The following ABAT variants were observed in gnomAD, a reference collection of about 807,000 sequenced individuals.
ABAT encodes the protein 4-aminobutyrate aminotransferase, also known as 4-aminobutyrate aminotransferase, mitochondrial.
In ABAT, 45 loss-of-function variants were observed where a neutral mutation model predicts 64.6. The observed-to-expected ratio is 0.70, with a 90% CI of 0.55 to 0.89. The LOEUF (loss-of-function observed/expected upper bound fraction) is 0.89, where lower values mean the gene tolerates loss of function less well. Among genes scored for constraint, ABAT ranks in the 40% least tolerant of loss-of-function variants. The pLI is 0.00. For synonymous variants in ABAT, 297 were observed against 250.5 expected, an observed-to-expected ratio of 1.19 and a Z score of -1.75; for missense variants, 633 against 658.4, an observed-to-expected ratio of 0.96 and a Z score of 0.42.
rs149959823 is a variant in ABAT at position 8,764,110 on chromosome 16, G to A, written c.408G>A (p.Pro136=). Reference sequence around the variant, plus strand: ...GACCCGCCCTCGGAATCCTGCCTCCGGAGAACTTTGTGGAGAAGCTCCGGC... The same window carrying A: ...GACCCGCCCTCGGAATCCTGCCTCCAGAGAACTTTGTGGAGAAGCTCCGGC... ...VNRPALGILP[P]ENFVEKLRQS... Residue 136 remains proline (P), a synonymous_variant, in exon 7 of 16, where the codon CCG becomes CCA. Transcript: ENST00000268251. The surrounding 1 kb of genome is among the most constrained non-coding windows in gnomAD (Gnocchi z 4.2). 1.0e-4 allele frequency: 168 copies of A among 1,613,554 alleles called. No homozygotes were observed. Among genetic ancestry groups the A allele is most frequent in the Non-Finnish European group, 1.2e-4 (144 of 1,179,994 alleles).
chr16:8,683,915 C>T (rs2057391907), intron 1 of ABAT, among the ~76,000 whole-genome samples: 1 of 151,580 alleles, frequency 6.6e-6, no homozygotes, highest in Non-Finnish European at 1.5e-5. Context: ...GTGCTGTGTA[C>T]AGTAGTAGGG....
intron 1 of ABAT, among the ~76,000 whole-genome samples, chr16:8,684,390 T>A (rs995212676): frequency 4.6e-5 from 7 of 152,182 alleles, no homozygotes; most frequent in Admixed American, 4.6e-4. Flanking sequence ...CTGGCCAACA[T>A]GGCCAAACCC....
chr16:8,717,025 C>T (rs1047977266), intron 1 of ABAT, among the ~76,000 whole-genome samples: 8 of 152,168 alleles, frequency 5.3e-5, no homozygotes, highest in African/African-American at 1.9e-4. Context: ...CACGGTAGCT[C>T]GCGTCTGTAA....
At chr16:8,779,784 A>G (rs936961931) in intron 15 of ABAT, among the ~76,000 whole-genome samples, 194 bp downstream of exon 15, 1 of 152,190 alleles carries the variant, frequency 6.6e-6, no homozygotes, top group Admixed American at 6.5e-5. Flanking sequence ...TTATTTACTC[A>G]ACAAGCGTTC....
At chr16:8,778,699 C>T (rs7198302) in intron 14 of ABAT, among the ~76,000 whole-genome samples, 2,654 of 151,866 alleles carry the variant, frequency 0.017, 69 homozygotes, top group African/African-American at 0.061. Flanking sequence ...AATCTTTGAA[C>T]CTGGGAGGCA....
intron 1 of ABAT, among the ~76,000 whole-genome samples, chr16:8,693,402 A>G (rs1252277998): frequency 6.6e-6 from 1 of 152,084 alleles, no homozygotes; most frequent in African/African-American, 2.4e-5. Context: ...AAAAATCCTC[A>G]TATTAGTGGA....
At chr16:8,775,189 T>A in intron 13 of ABAT, 132 bp downstream of exon 13, 2 of 1,191,552 alleles carry the variant, frequency 1.7e-6, no homozygotes, top group South Asian at 2.6e-5. Flanking sequence ...AAGTCCCAGT[T>A]CTTATCAATG....
chr16:8,781,207 ATG>A lies in ABAT; in HGVS notation c.1382-101_1382-100del, dbSNP rs1487708057. 2 of 1,563,628 alleles carry A rather than the reference ATG, an allele frequency of 1.3e-6. No homozygotes were observed. The highest frequency in any genetic ancestry group is 2.2e-5 in the South Asian group (2 of 90,066). On this transcript the variant is annotated intron_variant, in intron 15 of 15. Coordinates refer to ENST00000268251, the MANE Select transcript of ABAT (RefSeq NM_020686.6). This position sits in a 1 kb window ranked among gnomAD's most constrained non-coding sequence, Gnocchi z 4.5. The stretch of plus-strand genomic sequence containing the variant: ...TGGAGGATGATGGATGGATGGATGG[ATG>A]GATGGATGAGCGTTGCCAACAGGCA...
chr16:8,760,406 C>A (rs2059762550), intron 6 of ABAT: 2 of 152,170 alleles, frequency 1.3e-5, no homozygotes. Context: ...GGTCCCTAGC[C>A]CTAAAACGTA....
At chr16:8,775,769 C>A (rs190666568) in intron 13 of ABAT, among the ~76,000 whole-genome samples, 76 of 152,298 alleles carry the variant, frequency 5.0e-4, no homozygotes, top group African/African-American at 1.7e-3. Context: ...CTAGAAATCT[C>A]ACATAATATG....
chr16:8,680,495 G>C (rs965626282), intron 1 of ABAT, among the ~76,000 whole-genome samples: 1 of 151,156 alleles, frequency 6.6e-6, no homozygotes, highest in Non-Finnish European at 1.5e-5. Context: ...GTGTGATCTC[G>C]GCTTACTGCA....
intron 1 of ABAT, among the ~76,000 whole-genome samples, chr16:8,702,651 C>T (rs1216928954): frequency 6.6e-6 from 1 of 152,162 alleles, no homozygotes; most frequent in Non-Finnish European, 1.5e-5. Context: ...CCCCCATGAT[C>T]CAGTCCCCTC....
chr16:8,674,675 C>T lies in ABAT; in HGVS notation c.-78C>T. 6.6e-6 allele frequency: 1 copy of T among 152,406 alleles called. No individual in the cohort carries two copies. The allele number at this position is 152,406 out of a possible 1,614,324, so 9.4% of individuals were successfully genotyped here. On this transcript the variant is annotated 5_prime_UTR_variant, in exon 1 of 16. Coordinates refer to ENST00000268251, the MANE Select transcript of ABAT (RefSeq NM_020686.6). Reference sequence around the variant, plus strand: ...GCGCATCCCGCAAGTCGGAACCCGGCGGATCGGATCCCGCAGATCGGAGAC... The same window carrying T: ...GCGCATCCCGCAAGTCGGAACCCGGTGGATCGGATCCCGCAGATCGGAGAC...
chr16:8,707,617 T>G (rs2057977465), intron 1 of ABAT, among the ~76,000 whole-genome samples: 1 of 152,152 alleles, frequency 6.6e-6, no homozygotes, highest in African/African-American at 2.4e-5. Context: ...GGATTTACCT[T>G]TACGTCAGTT....
intron 5 of ABAT, among the ~76,000 whole-genome samples, chr16:8,756,141 A>G (rs1256160364): frequency 6.6e-6 from 1 of 152,060 alleles, no homozygotes; most frequent in Non-Finnish European, 1.5e-5. Context: ...AATCGCTTGA[A>G]CCTGGGAGGC....
chr16:8,685,242 C>G (rs753334844), intron 1 of ABAT, among the ~76,000 whole-genome samples: 4 of 151,958 alleles, frequency 2.6e-5, no homozygotes, highest in Admixed American at 6.6e-5. Context: ...GCCAGGATCA[C>G]GCCATTGCAC....
At chr16:8,774,645 T>C (rs537537537) in intron 12 of ABAT, among the ~76,000 whole-genome samples, 2 of 151,968 alleles carry the variant, frequency 1.3e-5, no homozygotes, top group Non-Finnish European at 2.9e-5. Context: ...ATGTTCTGGG[T>C]TTTTTTGGTC....
intron 2 of ABAT, among the ~76,000 whole-genome samples, chr16:8,743,212 CCTT>C (rs1411582584): frequency 6.0e-5 from 9 of 151,072 alleles, no homozygotes; most frequent in South Asian, 2.1e-4. Flanking sequence ...AATTCAGAAA[CCTT>C]CTTTGATAAC....
In ABAT at chr16:8,776,147, A is replaced by G. The variant is rs1191835275; in HGVS notation, c.1123-197A>G. Reference sequence around the variant, plus strand: ...GCTGCTGTTGGAAGAATTCAGCAAGATTGGGTGTGTTCTCCTGCTAGCCTC... The same window carrying G: ...GCTGCTGTTGGAAGAATTCAGCAAGGTTGGGTGTGTTCTCCTGCTAGCCTC... On this transcript the variant is annotated intron_variant, in intron 13 of 15. Coordinates refer to ENST00000268251, the MANE Select transcript of ABAT (RefSeq NM_020686.6). The surrounding 1 kb of genome is among the most constrained non-coding windows in gnomAD (Gnocchi z 4.4). Among the ~76,000 whole-genome samples the G allele has an allele frequency of 6.6e-6, 1 of 152,092 alleles. No homozygotes were observed.
Sources: allele counts gnomAD v4.1 joint callset (sites outside exome capture counted in the v4.1 genomes callset), GRCh38; gene constraint gnomAD v4.1.1; non-coding constraint Gnocchi (gnomAD v3.1); transcripts MANE v1.5; gene names NCBI Gene and HGNC (gene_info 2026-07-23, HGNC 2026-07-21).